The following UBXN10 variants were observed in gnomAD, a reference collection of about 807,000 sequenced individuals.
UBXN10 encodes UBX domain protein 10, also known as UBX domain-containing protein 10.
A neutral mutation model predicts 6.9 loss-of-function variants in UBXN10; 6 were observed. That is an observed-to-expected ratio of 0.87 (90% CI 0.48 to 1.72). UBXN10 has a LOEUF of 1.72. Ranked by LOEUF, UBXN10 falls within the 40% of genes most tolerant of loss-of-function variation. The pLI, the probability that UBXN10 is intolerant of heterozygous loss-of-function variation, is 0.01. For synonymous variants in UBXN10, 131 were observed against 135.2 expected (o/e 0.97, Z 0.21); for missense variants, 317 against 348.4 (o/e 0.91, Z 0.72).
chr1:20,190,875 C>A lies in UBXN10; in HGVS notation c.314C>A (p.Thr105Asn). ...EIPELQQQVP[T>N]GASSSLNKYP... ...CCTGAGCTGCAGCAGCAAGTACCCACTGGGGCTTCCTCTTCTCTCAATAAG... is the reference window on the plus strand; with the variant it reads ...CCTGAGCTGCAGCAGCAAGTACCCAATGGGGCTTCCTCTTCTCTCAATAAG... Residue 105 changes from threonine to asparagine, a missense_variant, in exon 2 of 2, where the codon ACT becomes AAT. Physicochemically the swap from Thr to Asn is moderately conservative, Grantham distance 65 (BLOSUM62 0). Coordinates refer to ENST00000375099, the MANE Select transcript of UBXN10 (RefSeq NM_152376.5). 3 of 1,614,106 alleles carry A rather than the reference C, an allele frequency of 1.9e-6. No homozygotes were observed. Among genetic ancestry groups the A allele is most frequent in the Admixed American group, 1.7e-5 (1 of 60,028 alleles).
At chr1:20,186,547 T>A (rs7535938) in intron 1 of UBXN10, 51,808 of 152,232 alleles carry the variant, frequency 0.34, 10,421 homozygotes, top group African/African-American at 0.55. Context: ...GTGCTCTTTC[T>A]CTGAAGTCAA....
At chr1:20,185,649 C>G (rs1392699832), upstream of UBXN10, among the ~76,000 whole-genome samples, 1 of 152,152 alleles carries the variant, frequency 6.6e-6, no homozygotes, top group African/African-American at 2.4e-5. Flanking sequence ...GCCCTGCTCC[C>G]CGCAACTCAG....
In UBXN10 at chr1:20,194,428, C is replaced by G. The variant is rs369586703; in HGVS notation, c.*3024C>G. On this transcript the variant is annotated 3_prime_UTR_variant, in exon 2 of 2. Transcript: ENST00000375099. ...ATCTGGGGACCCAGCCAACAGCCTT[C>G]AAGGCAGGGCACTCCTGCGGAAGAG... is the stretch of plus-strand genomic sequence containing the variant. 6.0e-6 allele frequency: 1 copy of G among 167,122 alleles called. No individual in the cohort carries two copies. Among genetic ancestry groups the G allele is most frequent in the East Asian group, 1.9e-4 (1 of 5,204 alleles). The allele number at this position is 167,122 out of a possible 1,614,324, so 10.4% of individuals were successfully genotyped here.
rs2018412345 is a variant in UBXN10, at chr1:20,187,093, A to AG, written c.-16+941dup. On this transcript the variant is annotated intron_variant, in intron 1 of 1. Coordinates refer to ENST00000375099, the MANE Select transcript of UBXN10 (RefSeq NM_152376.5). The surrounding 1 kb of genome is among the most constrained non-coding windows in gnomAD (Gnocchi z 4.6). ...CCTGTGGTGGGTGGTGGGCACCCTT[A>AG]GAAAGCAGGAGCCCTGCTTTAGCTT... 6.6e-6 allele frequency among the ~76,000 whole-genome samples: 1 copy of AG among 151,658 alleles called. No homozygotes were observed. Among genetic ancestry groups the AG allele is most frequent in the South Asian group, 2.1e-4 (1 of 4,790 alleles).
Position 20,191,586 on chromosome 1 carries a change from T to G in UBXN10, c.*182T>G. The G allele has an allele frequency of 1.1e-6, 1 of 897,052 alleles. No homozygotes were observed. The highest frequency in any genetic ancestry group is 1.6e-6 in the Non-Finnish European group (1 of 608,324). The allele number at this position is 897,052 out of a possible 1,614,324, so 55.6% of individuals were successfully genotyped here. A position where few individuals can be genotyped will look rare whatever the true frequency, so the allele number is the denominator to read the frequency against. ...AAGTCTGTGCCTATGCCGAGCGCGC[T>G]AAGAAGTCTCCCTTCCAGCTGTTCC... On this transcript the variant is annotated 3_prime_UTR_variant, in exon 2 of 2. Transcript: ENST00000375099. The surrounding 1 kb of genome is among the most constrained non-coding windows in gnomAD (Gnocchi z 4.5).
upstream of UBXN10, among the ~76,000 whole-genome samples, chr1:20,185,391 G>C (rs530251880): frequency 1.3e-5 from 2 of 152,318 alleles, no homozygotes; most frequent in Admixed American, 6.5e-5. Context: ...AATGGGCCAG[G>C]ATAGGGAAGA....
upstream of UBXN10, chr1:20,185,956 C>T (rs1252913646): frequency 6.6e-6 from 1 of 152,266 alleles, no homozygotes; most frequent in Non-Finnish European, 1.5e-5. Flanking sequence ...CGCAATCCAC[C>T]GACCTGGAGT....
chr1:20,187,006 A>G lies in UBXN10; in HGVS notation c.-16+853A>G, dbSNP rs1305567780. Among the ~76,000 whole-genome samples, 1 of 152,224 alleles carries G rather than the reference A, an allele frequency of 6.6e-6. No individual in the cohort carries two copies. The highest frequency in any genetic ancestry group is 1.5e-5 in the Non-Finnish European group (1 of 68,038). On this transcript the variant is annotated intron_variant, in intron 1 of 1. Coordinates refer to ENST00000375099, the MANE Select transcript of UBXN10 (RefSeq NM_152376.5). This position sits in a 1 kb window ranked among gnomAD's most constrained non-coding sequence, Gnocchi z 4.6. ...ACCAGCAGATGGTATGTAGGTGGTT[A>G]TATTTTACTGCATATACTGTAGGCT...
At position 20,193,874 on chromosome 1, in the gene UBXN10, G is replaced by A. The variant is rs752793284; in HGVS notation, c.*2470G>A. ...AGCTGAGGCCCCCTGTCCTAAATGG[G>A]CTCAACCGGCCTAGCACACTCCTCT... On this transcript the variant is annotated 3_prime_UTR_variant, in exon 2 of 2. Coordinates refer to ENST00000375099, the MANE Select transcript of UBXN10 (RefSeq NM_152376.5). The A allele has an allele frequency of 1.8e-5, 3 of 166,970 alleles. No individual in the cohort carries two copies. The highest frequency in any genetic ancestry group is 4.4e-5 in the Non-Finnish European group (3 of 68,120). 10.3% of individuals were successfully genotyped at this position (166,970 alleles called of 1,614,324 possible). A position where few individuals can be genotyped will look rare whatever the true frequency, so the allele number is the denominator to read the frequency against.
upstream of UBXN10, among the ~76,000 whole-genome samples, chr1:20,185,220 A>G (rs1223526351): frequency 6.6e-6 from 1 of 152,178 alleles, no homozygotes; most frequent in African/African-American, 2.4e-5. Context: ...CTGAGAGTCT[A>G]ACTGAGGTTA....
At chr1:20,183,756 G>A (rs2018315598), upstream of UBXN10, among the ~76,000 whole-genome samples, 1 of 152,212 alleles carries the variant, frequency 6.6e-6, no homozygotes, top group Non-Finnish European at 1.5e-5. Flanking sequence ...AGCAGGGTGG[G>A]GCAGGCATGG....
At position 20,191,102 on chromosome 1, in the gene UBXN10, C is replaced by T; in HGVS notation, c.541C>T (p.Gln181Ter). Residue 181 changes from glutamine (Q) to a stop codon, truncating the protein, a stop_gained, in exon 2 of 2, where the codon CAG (glutamine) becomes TAG (stop). Transcript: ENST00000375099. LOFTEE classifies it high-confidence loss of function. This position sits in a 1 kb window ranked among gnomAD's most constrained non-coding sequence, Gnocchi z 4.5. ...ERKFIVRTKKQGSSRAGNLEE... is the reference protein window; with the variant it reads ...ERKFIVRTKK Reference sequence around the variant, plus strand: ...GAAATTCATCGTCCGAACCAAGAAACAGGGCTCTTCCAGGGCTGGAAATCT... The same window carrying T: ...GAAATTCATCGTCCGAACCAAGAAATAGGGCTCTTCCAGGGCTGGAAATCT... The T allele has an allele frequency of 2.5e-6, 4 of 1,614,156 alleles. No individual in the cohort carries two copies. Among genetic ancestry groups the T allele is most frequent in the Non-Finnish European group, 3.4e-6 (4 of 1,180,024 alleles).
At position 20,191,545 on chromosome 1, in the gene UBXN10, G is replaced by A; in HGVS notation, c.*141G>A. ...CTTGGGACTCTCGTCTGCACTGCGT[G>A]TCCTCTGAAGCAGTGAAGTCTGTGC... On this transcript the variant is annotated 3_prime_UTR_variant, in exon 2 of 2. Transcript: ENST00000375099. The surrounding 1 kb of genome is among the most constrained non-coding windows in gnomAD (Gnocchi z 4.5). 7.6e-7 allele frequency: 1 copy of A among 1,310,006 alleles called. No individual in the cohort carries two copies. The highest frequency in any genetic ancestry group is 1.5e-5 in the South Asian group (1 of 66,508). The allele number at this position is 1,310,006 out of a possible 1,614,324, so 81.1% of individuals were successfully genotyped here.
At position 20,193,163 on chromosome 1, in the gene UBXN10, C is replaced by CT. The variant is rs1180219529; in HGVS notation, c.*1760dup. ...CCCACCAGGACTTGAGCACATAACT[C>CT]TATGTCTGATCTAGGAGGCTGGGGG... is the stretch of plus-strand genomic sequence containing the variant. On this transcript the variant is annotated 3_prime_UTR_variant, in exon 2 of 2. Transcript: ENST00000375099. The CT allele has an allele frequency of 6.0e-6, 1 of 167,076 alleles. No homozygotes were observed. Among genetic ancestry groups the CT allele is most frequent in the African/African-American group, 2.4e-5 (1 of 41,446 alleles). The allele number at this position is 167,076 out of a possible 1,614,324, so 10.3% of individuals were successfully genotyped here.
At chr1:20,188,351 A>T (rs545551268) in intron 1 of UBXN10, among the ~76,000 whole-genome samples, 28 of 152,328 alleles carry the variant, frequency 1.8e-4, no homozygotes, top group African/African-American at 6.0e-4. Flanking sequence ...TGCAGCAGAC[A>T]TAGAGGCCTT....
At position 20,195,158 on chromosome 1, in the gene UBXN10, T is replaced by C. The variant is rs1266390976; in HGVS notation, c.*3754T>C. ...GATTAGGGAAGCTTCTCCCAGCCCTTTCTGACGTTCATCTGTGTGCCTTTA... is the reference window on the plus strand; with the variant it reads ...GATTAGGGAAGCTTCTCCCAGCCCTCTCTGACGTTCATCTGTGTGCCTTTA... On this transcript the variant is annotated 3_prime_UTR_variant, in exon 2 of 2. Coordinates refer to ENST00000375099, the MANE Select transcript of UBXN10 (RefSeq NM_152376.5). 6.0e-6 allele frequency: 1 copy of C among 167,142 alleles called. No individual in the cohort carries two copies. Among genetic ancestry groups the C allele is most frequent in the Non-Finnish European group, 1.5e-5 (1 of 68,128 alleles). 10.4% of individuals were successfully genotyped at this position (167,142 alleles called of 1,614,324 possible).
At chr1:20,189,086 A>G (rs1311598179) in intron 1 of UBXN10, among the ~76,000 whole-genome samples, 1 of 152,128 alleles carries the variant, frequency 6.6e-6, no homozygotes, top group African/African-American at 2.4e-5. Context: ...GTTTTGTGCC[A>G]GAAAGGTAGA....
chr1:20,188,451 G>A (rs2018436040), intron 1 of UBXN10, among the ~76,000 whole-genome samples: 1 of 152,196 alleles, frequency 6.6e-6, no homozygotes. Flanking sequence ...CCTGGTCTGA[G>A]TGGAGAGGAA....
At position 20,191,312 on chromosome 1, in the gene UBXN10, TTTTCTGACCTCACCAAATC is replaced by T. The variant is rs747798984; in HGVS notation, c.753_771del (p.Ser252CysfsTer76). Reference sequence around the variant, plus strand: ...AACAATGGAGGTGCCCAGGAGGCGATTTTCTGACCTCACCAAATCTCTGCAAGAGTGCAGAATCCCCCAC... The same window carrying T: ...AACAATGGAGGTGCCCAGGAGGCGATTCTGCAAGAGTGCAGAATCCCCCAC... On this transcript the variant is annotated frameshift_variant, in exon 2 of 2. Transcript: ENST00000375099. LOFTEE classifies it high-confidence loss of function. The surrounding 1 kb of genome is among the most constrained non-coding windows in gnomAD (Gnocchi z 4.5). The T allele has an allele frequency of 5.6e-5, 90 of 1,614,150 alleles. No homozygotes were observed. The highest frequency in any genetic ancestry group is 7.3e-5 in the Non-Finnish European group (86 of 1,180,034).
Sources: gnomAD v4.1 joint callset for allele counts (sites outside exome capture counted in the v4.1 genomes callset) on GRCh38, gnomAD v4.1.1 for gene constraint, Gnocchi (gnomAD v3.1) non-coding constraint, MANE v1.5 for transcripts, NCBI Gene and HGNC (gene_info 2026-07-23, HGNC 2026-07-21) for gene names.